ADGRL2: variants seen among roughly 807,000 people sequenced by gnomAD.
ADGRL2 encodes calcium-independent alpha-latrotoxin receptor 2.
ADGRL2 carries 44 observed loss-of-function variants against 157.4 expected under a neutral mutation model. The ratio of observed to expected loss-of-function variants is 0.28; its 90% confidence interval spans 0.22 to 0.36. ADGRL2 has a LOEUF of 0.36. Ranked by LOEUF, ADGRL2 falls within the 10% of genes least tolerant of loss-of-function variation. The probability of loss-of-function intolerance (pLI) is 1.00; values close to 1 mark genes in which losing one functional copy is unlikely to be tolerated. For missense variants in ADGRL2, 1,510 were observed against 1,768.9 expected, an observed-to-expected ratio of 0.85 and a Z score of 2.63; for synonymous variants, 585 against 624.7, an observed-to-expected ratio of 0.94 and a Z score of 0.95.
intron 1 of ADGRL2, among the ~76,000 whole-genome samples, chr1:81,707,706 C>A (rs2149061924): frequency 6.6e-6 from 1 of 152,082 alleles, no homozygotes; most frequent in African/African-American, 2.4e-5. Context: ...TCGGTTCTAC[C>A]CAAACCAATC....
chr1:81,796,060 G>A (rs866578467), upstream of ADGRL2, among the ~76,000 whole-genome samples: 19 of 152,158 alleles, frequency 1.2e-4, no homozygotes, highest in Middle Eastern at 3.4e-3. Context: ...GCACTATCTC[G>A]GCTCACTGCA....
intron 3 of ADGRL2, among the ~76,000 whole-genome samples, chr1:81,667,863 TCTA>T (rs2082784231): frequency 6.6e-6 from 1 of 152,168 alleles, no homozygotes; most frequent in South Asian, 2.1e-4. Flanking sequence ...AAAATTTACA[TCTA>T]CTGCGTATTT....
chr1:81,831,824 A>G lies in ADGRL2; in HGVS notation c.-100-5061A>G, dbSNP rs566549480. Among the ~76,000 whole-genome samples, 72 of 152,212 alleles carry G rather than the reference A, an allele frequency of 4.7e-4. 1 individual carries two copies. Among genetic ancestry groups the G allele is most frequent in the Admixed American group, 1.4e-3 (21 of 15,296 alleles). ...TTTTTCCTCAGTACACAACATATGT[A>G]ATAGGTGCTCAGTAAATATTTGTTG... On this transcript the variant is annotated intron_variant, in intron 1 of 23. Transcript: ENST00000686636.
At chr1:81,588,850 T>C (rs2081077539) in intron 3 of ADGRL2, among the ~76,000 whole-genome samples, 1 of 152,172 alleles carries the variant, frequency 6.6e-6, no homozygotes, top group Non-Finnish European at 1.5e-5. Context: ...GCTAGTCTAT[T>C]GGCATAAGGA....
chr1:81,759,387 T>C (rs2085794221), intron 1 of ADGRL2, among the ~76,000 whole-genome samples: 1 of 152,164 alleles, frequency 6.6e-6, no homozygotes, highest in Admixed American at 6.6e-5. Context: ...TAGCAGCCAT[T>C]AAAACTGTTA....
At chr1:81,975,244 TGTGTGGATAATTGA>T (rs1023774571) in intron 17 of ADGRL2, among the ~76,000 whole-genome samples, 16 of 152,266 alleles carry the variant, frequency 1.1e-4, no homozygotes, top group Non-Finnish European at 2.4e-4. Flanking sequence ...TAGTGGCTTC[TGTGTGGATAATTGA>T]GTAACTGCAT....
chr1:81,891,559 C>T (rs2094264856), intron 2 of ADGRL2, among the ~76,000 whole-genome samples: 1 of 152,054 alleles, frequency 6.6e-6, no homozygotes, highest in Non-Finnish European at 1.5e-5. Flanking sequence ...TTTGTCCTTG[C>T]CAATTAAATT....
chr1:81,356,260 A>G (rs1663279426), intron 1 of ADGRL2, among the ~76,000 whole-genome samples: 1 of 152,240 alleles, frequency 6.6e-6, no homozygotes, highest in Non-Finnish European at 1.5e-5. Flanking sequence ...AAACGCACAT[A>G]AAATTTCACT....
At chr1:81,984,461 C>A in intron 19 of ADGRL2, 122 bp from the exon 20 acceptor site, 1 of 1,052,624 alleles carries the variant, frequency 9.5e-7, no homozygotes. Flanking sequence ...AATTTATTTT[C>A]TCCACGGATA....
chr1:81,940,022 A>G lies in ADGRL2; in HGVS notation c.398-2012A>G, dbSNP rs538655260. On this transcript the variant is annotated intron_variant, in intron 4 of 23. Coordinates refer to ENST00000686636, the MANE Select transcript of ADGRL2 (RefSeq NM_001366006.2). The stretch of plus-strand genomic sequence containing the variant: ...TATTTTCCTTCAATATGTGATATCA[A>G]TTAAATCTCAAGTAAATAAAGACTT... Among the ~76,000 whole-genome samples the G allele has an allele frequency of 6.6e-5, 10 of 151,490 alleles. No individual in the cohort carries two copies. The South Asian group carries it at 8.3e-4, about 13-fold the overall frequency.
chr1:81,745,737 T>C (rs1439801595), intron 1 of ADGRL2, among the ~76,000 whole-genome samples: 3 of 152,130 alleles, frequency 2.0e-5, no homozygotes, highest in Non-Finnish European at 2.9e-5. Flanking sequence ...ATATAATGCT[T>C]TGTTATGTGG....
chr1:81,532,584 T>TA (rs200620645), intron 2 of ADGRL2, among the ~76,000 whole-genome samples: 3,540 of 143,950 alleles, frequency 0.025, 75 homozygotes, highest in Non-Finnish European at 0.035. Flanking sequence ...GTCATTTTTT[T>TA]ATCATCTGGA....
intron 2 of ADGRL2, among the ~76,000 whole-genome samples, chr1:81,473,297 A>G (rs1257292387): frequency 6.6e-6 from 1 of 152,210 alleles, no homozygotes; most frequent in Non-Finnish European, 1.5e-5. Context: ...GGGAAAATTT[A>G]TCCCTGCACT....
chr1:81,421,763 T>C (rs2077129302), intron 1 of ADGRL2, among the ~76,000 whole-genome samples: 1 of 152,042 alleles, frequency 6.6e-6, no homozygotes, highest in Non-Finnish European at 1.5e-5. Flanking sequence ...AAATCTAGAA[T>C]TCACTTTTAG....
At chr1:81,451,440 G>T (rs1342888102) in intron 2 of ADGRL2, among the ~76,000 whole-genome samples, 1 of 152,168 alleles carries the variant, frequency 6.6e-6, no homozygotes, top group African/African-American at 2.4e-5. Flanking sequence ...GCAAATGAAA[G>T]CCATTGTTTA....
At chr1:81,722,849 A>G (rs1247494252) in intron 1 of ADGRL2, 1 of 700,614 alleles carries the variant, frequency 1.4e-6, no homozygotes, top group Non-Finnish European at 2.6e-6. Context: ...CCTGGGGGAA[A>G]TGCCTGGTAA....
chr1:81,512,201 T>C (rs1157004896), intron 2 of ADGRL2, among the ~76,000 whole-genome samples: 3 of 152,246 alleles, frequency 2.0e-5, no homozygotes, highest in Non-Finnish European at 2.9e-5. Flanking sequence ...AGAGTTTGTT[T>C]CCTTATAATC....
intron 1 of ADGRL2, among the ~76,000 whole-genome samples, chr1:81,354,938 C>T (rs1477209939): frequency 2.6e-5 from 4 of 152,122 alleles, no homozygotes; most frequent in Non-Finnish European, 5.9e-5. Flanking sequence ...TTCATCTTTT[C>T]CAGACATATT....
At chr1:81,503,171 G>T (rs2078893081) in intron 2 of ADGRL2, 1 of 1,614,178 alleles carries the variant, frequency 6.2e-7, no homozygotes, top group Non-Finnish European at 8.5e-7. Flanking sequence ...AGCATGGCAC[G>T]GCAGCTCCCC....
Sources: allele counts gnomAD v4.1 joint callset (sites outside exome capture counted in the v4.1 genomes callset), GRCh38; gene constraint gnomAD v4.1.1; transcripts MANE v1.5; gene names NCBI Gene and HGNC (gene_info 2026-07-23, HGNC 2026-07-21).